NRXN2: variants seen among roughly 807,000 people sequenced by gnomAD.
NRXN2 encodes neurexin-2-beta.
In NRXN2, 29 loss-of-function variants were observed where a neutral mutation model predicts 128.8. That is an observed-to-expected ratio of 0.23 (90% CI 0.17 to 0.31). NRXN2 has a LOEUF of 0.31. NRXN2 is among the 10% of genes least tolerant of loss of function. The probability of loss-of-function intolerance (pLI) is 1.00; values close to 1 mark genes in which losing one functional copy is unlikely to be tolerated. For synonymous variants in NRXN2, 1,098 were observed against 1,075.2 expected, an observed-to-expected ratio of 1.02 and a Z score of -0.41; for missense variants, 1,881 against 2,452.6, an observed-to-expected ratio of 0.77 and a Z score of 4.92.
At chr11:64,720,606 TGA>T (rs1338131813) in intron 1 of NRXN2, among the ~76,000 whole-genome samples, 3 of 150,932 alleles carry the variant, frequency 2.0e-5, no homozygotes, top group East Asian at 3.9e-4. Flanking sequence ...GATAAGTGAG[TGA>T]GAGAGAGAGA....
chr11:64,620,233 G>T, intron 22 of NRXN2, 61 bp downstream of exon 22: 1 of 1,360,634 alleles, frequency 7.3e-7, no homozygotes. Context: ...AGGGACAGTC[G>T]CCCCCCTCCC....
In NRXN2 at chr11:64,717,331, A is replaced by T. The variant is rs926638362; in HGVS notation, c.-244-3388T>A. ...CTGCTCACTGACGTCAGTGCAGTGC[A>T]CACTGCCACCCACTGCTGGCCCAGA... On this transcript the variant is annotated intron_variant, in intron 1 of 22. Coordinates refer to ENST00000265459, the MANE Select transcript of NRXN2 (RefSeq NM_015080.4). Among the ~76,000 whole-genome samples the T allele has an allele frequency of 2.6e-5, 4 of 152,254 alleles. No individual in the cohort carries two copies. In the East Asian group the frequency reaches 7.7e-4, roughly 29 times the overall value.
At chr11:64,670,018 T>C (rs80841) in intron 7 of NRXN2, among the ~76,000 whole-genome samples, 78,442 of 151,828 alleles carry the variant, frequency 0.52, 23,737 homozygotes, top group Non-Finnish European at 0.7. Context: ...CAGGGGTCCA[T>C]GGTCTCGGTG....
At chr11:64,640,732 G>C (rs1039697514) in intron 17 of NRXN2, among the ~76,000 whole-genome samples, 2 of 152,164 alleles carry the variant, frequency 1.3e-5, no homozygotes, top group African/African-American at 4.8e-5. Flanking sequence ...TTTGAAGGAA[G>C]TGCTCCAGGG....
At chr11:64,686,994 A>G (rs535844960) in intron 5 of NRXN2, among the ~76,000 whole-genome samples, 142 of 152,298 alleles carry the variant, frequency 9.3e-4, no homozygotes, top group African/African-American at 3.3e-3. Flanking sequence ...AGCAGAGAGA[A>G]GAGAACCGGA....
intron 2 of NRXN2, among the ~76,000 whole-genome samples, chr11:64,706,862 A>T (rs1039363385): frequency 2.0e-5 from 3 of 152,148 alleles, no homozygotes; most frequent in Non-Finnish European, 4.4e-5. Flanking sequence ...TGCTTGTAAG[A>T]GTAACTACCA....
chr11:64,684,040 C>T (rs1174459156), intron 6 of NRXN2, among the ~76,000 whole-genome samples: 1 of 152,202 alleles, frequency 6.6e-6, no homozygotes. Flanking sequence ...CAGACTCATC[C>T]TGTCTCCTCA....
intron 9 of NRXN2, among the ~76,000 whole-genome samples, chr11:64,662,336 G>A (rs2049151485): frequency 6.6e-6 from 1 of 151,990 alleles, no homozygotes; most frequent in South Asian, 2.1e-4. Context: ...AGGAGGAGGT[G>A]ATTATCTTAG....
rs987377298 is a variant in NRXN2, at chr11:64,651,986, G to A, written c.2536+49C>T. 3.7e-6 allele frequency: 6 copies of A among 1,604,188 alleles called. No individual in the cohort carries two copies. The African/African-American group carries it at 8.0e-5, about 21-fold the overall frequency. On this transcript the variant is annotated intron_variant, in intron 13 of 22. Coordinates refer to ENST00000265459, the MANE Select transcript of NRXN2 (RefSeq NM_015080.4). This position sits in a 1 kb window ranked among gnomAD's most constrained non-coding sequence, Gnocchi z 5.9. ...TAGTCACCAAGTAGAACAGGGCCAA[G>A]CATAGGTCACTGGAGATGTGTCCAC...
At chr11:64,646,125 A>G (rs2046616447) in intron 17 of NRXN2, among the ~76,000 whole-genome samples, 1 of 152,120 alleles carries the variant, frequency 6.6e-6, no homozygotes. Context: ...ATTACCCCAG[A>G]GCCAGAGCTC....
intron 5 of NRXN2, chr11:64,688,575 G>A (rs2053406777): frequency 2.0e-6 from 2 of 985,274 alleles, no homozygotes; most frequent in African/African-American, 3.5e-5. Context: ...GCACCAGGGG[G>A]CGCTCTCCCC....
In NRXN2 at chr11:64,607,922, C is replaced by T. The variant is rs1411834932; in HGVS notation, c.4413G>A (p.Pro1471=). 4.3e-6 allele frequency: 6 copies of T among 1,389,570 alleles called. No individual in the cohort carries two copies. Among genetic ancestry groups the T allele is most frequent in the South Asian group, 3.6e-5 (3 of 82,600 alleles). 86.1% of individuals were successfully genotyped at this position (1,389,570 alleles called of 1,614,324 possible). Residue 1471 remains proline, a synonymous_variant, in exon 23 of 23, where the codon CCG becomes CCA. Transcript: ENST00000265459. The stretch of plus-strand genomic sequence containing the variant: ...CGGCCTGGCACGGGCCCCCAGAGGG[C>T]GGGCGGCGCGCGGCGGGCGGGGGCA... ...DTLPPPAARR[P]PSGGPCQAER...
At chr11:64,672,806 C>G (rs941882358) in intron 7 of NRXN2, among the ~76,000 whole-genome samples, 1 of 152,118 alleles carries the variant, frequency 6.6e-6, no homozygotes. Context: ...AGGGCAGAAG[C>G]TAACCAGAGA....
intron 1 of NRXN2, among the ~76,000 whole-genome samples, chr11:64,721,267 G>A (rs2057425783): frequency 6.6e-6 from 1 of 151,876 alleles, no homozygotes; most frequent in South Asian, 2.1e-4. Flanking sequence ...GACTGAGCCT[G>A]GAAGGAAAGA....
rs753082017 is a variant in NRXN2 at position 64,651,296 on chromosome 11, C to T, written c.2877G>A (p.Ser959=). The T allele has an allele frequency of 6.8e-6, 11 of 1,614,048 alleles. No homozygotes were observed. Among genetic ancestry groups the T allele is most frequent in the East Asian group, 2.2e-5 (1 of 44,898 alleles). The change falls in exon 14 of 23, where the codon TCG becomes TCA. Residue 959 remains serine (S), a synonymous_variant. Transcript: ENST00000265459. The surrounding 1 kb of genome is among the most constrained non-coding windows in gnomAD (Gnocchi z 5.9). ...TAPDGLLLFN[S]GNGNDFIVIE... ...TGACAATGAAGTCATTGCCGTTGCC[C>T]GAGTTGAACAGAAGAAGCCCATCAG...
In NRXN2 at chr11:64,622,344, AC is replaced by A. The variant is rs2042478636; in HGVS notation, c.4173+408del. Among the ~76,000 whole-genome samples, 1 of 152,168 alleles carries A rather than the reference AC, an allele frequency of 6.6e-6. No homozygotes were observed. The highest frequency in any genetic ancestry group is 6.5e-5 in the Admixed American group (1 of 15,284). On this transcript the variant is annotated intron_variant, in intron 21 of 22. Coordinates refer to ENST00000265459, the MANE Select transcript of NRXN2 (RefSeq NM_015080.4). The surrounding 1 kb of genome is among the most constrained non-coding windows in gnomAD (Gnocchi z 4.3). ...CTGCCCACAGCAGGGCCAGCCTGGT[AC>A]CATCCATCTCCCACTCTCTGCCCAC...
intron 22 of NRXN2, among the ~76,000 whole-genome samples, chr11:64,609,405 A>G (rs1446602198): frequency 6.6e-6 from 1 of 152,192 alleles, no homozygotes; most frequent in African/African-American, 2.4e-5. Context: ...GCCATCTGGG[A>G]GGGAAGCACC....
chr11:64,606,300 A>G lies in NRXN2; in HGVS notation c.*896T>C, dbSNP rs2135243060. ...CTGGGGGAGCAGGGAGCCCGTGGGC[A>G]AAGAAGTGACCCCAGCAGTCTGTGG... On this transcript the variant is annotated 3_prime_UTR_variant, in exon 23 of 23. Coordinates refer to ENST00000265459, the MANE Select transcript of NRXN2 (RefSeq NM_015080.4). 1 of 152,672 alleles carries G rather than the reference A, an allele frequency of 6.5e-6. No individual in the cohort carries two copies. Among genetic ancestry groups the G allele is most frequent in the Non-Finnish European group, 1.5e-5 (1 of 68,014 alleles). The allele number at this position is 152,672 out of a possible 1,614,324, so 9.5% of individuals were successfully genotyped here.
chr11:64,683,582 T>C (rs1239141206), intron 6 of NRXN2, among the ~76,000 whole-genome samples: 2 of 146,820 alleles, frequency 1.4e-5, no homozygotes, highest in Admixed American at 1.4e-4. Flanking sequence ...ATCACGCCGC[T>C]GCACTCCAGC....
Sources: allele counts gnomAD v4.1 joint callset (sites outside exome capture counted in the v4.1 genomes callset), GRCh38; gene constraint gnomAD v4.1.1; non-coding constraint Gnocchi (gnomAD v3.1); transcripts MANE v1.5; gene names NCBI Gene and HGNC (gene_info 2026-07-23, HGNC 2026-07-21).